REXO5: variants seen among roughly 807,000 people sequenced by gnomAD.
REXO5 encodes the protein exonuclease NEF-sp.
A neutral mutation model predicts 88.5 loss-of-function variants in REXO5; 48 were observed. That is an observed-to-expected ratio of 0.54 (90% CI 0.43 to 0.69). REXO5 has a LOEUF of 0.69. Ranked by LOEUF, REXO5 falls within the 30% of genes least tolerant of loss-of-function variation. REXO5 has a pLI of 0.00. For missense variants in REXO5, 749 were observed against 912.2 expected, an observed-to-expected ratio of 0.82 and a Z score of 2.30; for synonymous variants, 311 against 336.5, an observed-to-expected ratio of 0.92 and a Z score of 0.83.
chr16:20,818,454 A>G (rs1358489274), intron 5 of REXO5, among the ~76,000 whole-genome samples: 1 of 152,158 alleles, frequency 6.6e-6, no homozygotes, highest in Non-Finnish European at 1.5e-5. Flanking sequence ...AGCTTCCACT[A>G]TCTTAATTCA....
intron 10 of REXO5, 35 bp from the exon 11 acceptor site, chr16:20,828,400 G>T (rs2081288966): frequency 7.7e-7 from 1 of 1,296,494 alleles, no homozygotes; most frequent in African/African-American, 1.5e-5. Flanking sequence ...CATTAAAAGT[G>T]CTTCCAGTAT....
intron 7 of REXO5, chr16:20,825,545 A>G: frequency 1.1e-5 from 3 of 265,588 alleles, no homozygotes; most frequent in Non-Finnish European, 1.4e-5. Flanking sequence ...GGTATTTAGC[A>G]TAATACTGGA....
rs138880947 is a variant in REXO5, at chr16:20,845,218, C to A, written c.2101C>A (p.Pro701Thr). 1,422 of 1,613,184 alleles carry A rather than the reference C, an allele frequency of 8.8e-4. 8 individuals carry two copies. The highest frequency in any genetic ancestry group is 2.9e-3 in the South Asian group (266 of 90,868). Residue 701 changes from proline (P) to threonine (T), a missense_variant, in exon 18 of 20, where the codon CCC becomes ACC. Coordinates refer to ENST00000261377, the MANE Select transcript of REXO5 (RefSeq NM_030941.3). ...RLPGLRVVPP[P>T]FEQEALQTLK... ...CCCAGGGCTTCGTGTTGTACCTCCC[C>A]CCTTTGAACAGGAGGCCTTGCAGGT...
Position 20,806,760 on chromosome 16 carries a change from C to A in REXO5, c.-3+55C>A, listed in dbSNP as rs964261495. The A allele has an allele frequency of 7.6e-6, 8 of 1,050,096 alleles. No homozygotes were observed. In the African/African-American group the frequency reaches 1.1e-4, roughly 15 times the overall value. The allele number at this position is 1,050,096 out of a possible 1,614,324, so 65.0% of individuals were successfully genotyped here. On this transcript the variant is annotated intron_variant, in intron 1 of 19. Transcript: ENST00000261377. ...GGTTAGAGCGGCGCGGGTGTCCAGT[C>A]CGCGGAACGGGGAGATCGTTGGCAC...
At chr16:20,835,478 G>A (rs1250783784) in intron 13 of REXO5, among the ~76,000 whole-genome samples, 2 of 152,000 alleles carry the variant, frequency 1.3e-5, no homozygotes, top group Non-Finnish European at 2.9e-5. Context: ...TAATCCTTTT[G>A]GGCATCCTTT....
Position 20,814,851 on chromosome 16 carries a change from C to T in REXO5, c.252-76C>T, listed in dbSNP as rs906038002. 8 of 1,415,572 alleles carry T rather than the reference C, an allele frequency of 5.7e-6. No homozygotes were observed. In the Admixed American group the frequency reaches 1.5e-4, roughly 27 times the overall value. 87.7% of individuals were successfully genotyped at this position (1,415,572 alleles called of 1,614,324 possible). A position where few individuals can be genotyped will look rare whatever the true frequency, so the allele number is the denominator to read the frequency against. ...CTCACTGCTTTTCCTGCGCCTTCTCCCCTATTTCCCCTCTATATGACTGTA... is the reference window on the plus strand; with the variant it reads ...CTCACTGCTTTTCCTGCGCCTTCTCTCCTATTTCCCCTCTATATGACTGTA... On this transcript the variant is annotated intron_variant, in intron 3 of 19. Coordinates refer to ENST00000261377, the MANE Select transcript of REXO5 (RefSeq NM_030941.3).
In REXO5 at chr16:20,844,029, A is replaced by G. The variant is rs1213603710; in HGVS notation, c.1719+3A>G. On this transcript the variant is annotated splice_donor_region_variant and intron_variant, in intron 16 of 19. Coordinates refer to ENST00000261377, the MANE Select transcript of REXO5 (RefSeq NM_030941.3). Reference sequence around the variant, plus strand: ...TGGTAGATGGTATCTGCATCAAGGTAGGGTGACAAGAGAAAGCCCCCTTTG... The same window carrying G: ...TGGTAGATGGTATCTGCATCAAGGTGGGGTGACAAGAGAAAGCCCCCTTTG... 6.4e-7 allele frequency: 1 copy of G among 1,566,440 alleles called. No homozygotes were observed. The highest frequency in any genetic ancestry group is 8.8e-7 in the Non-Finnish European group (1 of 1,136,474).
chr16:20,827,197 G>T lies in REXO5; in HGVS notation c.960+1G>T. 1 of 1,614,116 alleles carries T rather than the reference G, an allele frequency of 6.2e-7. No homozygotes were observed. The highest frequency in any genetic ancestry group is 8.5e-7 in the Non-Finnish European group (1 of 1,180,008). On this transcript the variant is annotated splice_donor_variant, in intron 9 of 19. Coordinates refer to ENST00000261377, the MANE Select transcript of REXO5 (RefSeq NM_030941.3). LOFTEE classifies it high-confidence loss of function. The stretch of plus-strand genomic sequence containing the variant: ...AGATTTGGATCTCAGAGCACTGAAA[G>T]TGAGTATCTGATTTAGGACTTTGCA...
chr16:20,828,609 C>A, intron 11 of REXO5, 72 bp downstream of exon 11: 2 of 1,025,684 alleles, frequency 1.9e-6, no homozygotes, highest in Non-Finnish European at 3.1e-6. Flanking sequence ...CACAGACTAC[C>A]AACTCCTATT....
In REXO5 at chr16:20,807,143, G is replaced by A. The variant is rs756430270; in HGVS notation, c.138+52G>A. Reference sequence around the variant, plus strand: ...GGCCCTAGGCGGTTTGGAGCTCCCGGACCCTCGCCCAACCGCCGTCGGGGG... The same window carrying A: ...GGCCCTAGGCGGTTTGGAGCTCCCGAACCCTCGCCCAACCGCCGTCGGGGG... On this transcript the variant is annotated intron_variant, in intron 2 of 19. Coordinates refer to ENST00000261377, the MANE Select transcript of REXO5 (RefSeq NM_030941.3). 1.8e-5 allele frequency: 28 copies of A among 1,552,336 alleles called. 1 individual carries two copies. Among genetic ancestry groups the A allele is most frequent in the Non-Finnish European group, 1.7e-5 (20 of 1,148,814 alleles).
intron 13 of REXO5, among the ~76,000 whole-genome samples, chr16:20,838,020 G>T (rs2081462821): frequency 6.6e-6 from 1 of 152,028 alleles, no homozygotes; most frequent in South Asian, 2.1e-4. Flanking sequence ...TCCCACCTTG[G>T]CTTCCCAAAG....
chr16:20,814,904 G>C, intron 3 of REXO5, 23 bp from the exon 4 acceptor site: 1 of 1,607,874 alleles, frequency 6.2e-7, no homozygotes, highest in Non-Finnish European at 8.5e-7. Context: ...TGTCTTAACT[G>C]TGTTGGTTTG....
intron 11 of REXO5, among the ~76,000 whole-genome samples, chr16:20,829,488 A>G (rs910285548): frequency 1.3e-5 from 2 of 152,212 alleles, no homozygotes; most frequent in Non-Finnish European, 2.9e-5. Flanking sequence ...GTCCCATTGC[A>G]TAGTACATTC....
At chr16:20,837,882 C>T (rs1351364732) in intron 13 of REXO5, among the ~76,000 whole-genome samples, 1 of 152,196 alleles carries the variant, frequency 6.6e-6, no homozygotes, top group Non-Finnish European at 1.5e-5. Flanking sequence ...CCTCCTGCCT[C>T]AGCCACCCAA....
At chr16:20,845,008 G>C in intron 17 of REXO5, 46 bp from the exon 18 acceptor site, 1 of 1,594,214 alleles carries the variant, frequency 6.3e-7, no homozygotes, top group Non-Finnish European at 8.6e-7. Flanking sequence ...ATGGTGATCA[G>C]CTTTCTTGGC....
At chr16:20,827,568 T>G (rs754476206) in intron 10 of REXO5, 121 bp downstream of exon 10, 1 of 705,384 alleles carries the variant, frequency 1.4e-6, no homozygotes, top group Admixed American at 2.9e-5. Flanking sequence ...TTAAACATGT[T>G]TTTTTGCATT....
intron 5 of REXO5, among the ~76,000 whole-genome samples, chr16:20,817,893 T>C (rs1360407546): frequency 6.6e-6 from 1 of 152,230 alleles, no homozygotes; most frequent in East Asian, 1.9e-4. Context: ...AATATTCCAA[T>C]TGCTATTTGG....
chr16:20,821,382 G>A (rs554827626), intron 5 of REXO5, among the ~76,000 whole-genome samples: 1 of 152,260 alleles, frequency 6.6e-6, no homozygotes, highest in Non-Finnish European at 1.5e-5. Flanking sequence ...TGCCTCTCGG[G>A]TTCACGCCAT....
intron 11 of REXO5, among the ~76,000 whole-genome samples, chr16:20,829,182 G>A (rs2081303612): frequency 6.6e-6 from 1 of 152,076 alleles, no homozygotes; most frequent in Non-Finnish European, 1.5e-5. Flanking sequence ...TCTATAATAT[G>A]GGAATACACA....
Sources: allele counts gnomAD v4.1 joint callset (sites outside exome capture counted in the v4.1 genomes callset), GRCh38; gene constraint gnomAD v4.1.1; transcripts MANE v1.5; gene names NCBI Gene and HGNC (gene_info 2026-07-23, HGNC 2026-07-21).